The following ARHGEF17 variants were observed in gnomAD, a reference collection of about 807,000 sequenced individuals.
ARHGEF17 encodes the protein Rho guanine nucleotide exchange factor 17.
In ARHGEF17, 80 loss-of-function variants were observed where a neutral mutation model predicts 174.0. That is an observed-to-expected ratio of 0.46 (90% confidence interval 0.38 to 0.55). The LOEUF (loss-of-function observed/expected upper bound fraction) is 0.55, where lower values mean the gene tolerates loss of function less well. Among genes scored for constraint, ARHGEF17 ranks in the 20% least tolerant of loss-of-function variants. ARHGEF17 has a pLI of 0.00. For synonymous variants in ARHGEF17, 1,311 were observed against 1,189.1 expected (o/e 1.10, Z -2.11); for missense variants, 2,886 against 2,839.7 (o/e 1.02, Z -0.37).
At chr11:73,317,764 G>C (rs1056673134) in intron 1 of ARHGEF17, among the ~76,000 whole-genome samples, 1 of 152,176 alleles carries the variant, frequency 6.6e-6, no homozygotes, top group African/African-American at 2.4e-5. Context: ...GGTTGGGAGA[G>C]ACAGACACAG....
Position 73,363,479 on chromosome 11 carries a change from G to A in ARHGEF17, c.5246+24G>A, listed in dbSNP as rs1449830568. The stretch of plus-strand genomic sequence containing the variant: ...TGGTAGGGACAGGGGAGGGACTAGG[G>A]ACACAGTGCCAGAACTCTGAGCTCC... On this transcript the variant is annotated intron_variant, in intron 15 of 20. Transcript: ENST00000263674. 5 of 1,599,948 alleles carry A rather than the reference G, an allele frequency of 3.1e-6. No homozygotes were observed. In the Admixed American group the frequency reaches 6.8e-5, roughly 22 times the overall value.
chr11:73,346,174 C>T (rs1370086066), intron 1 of ARHGEF17, among the ~76,000 whole-genome samples: 2 of 152,080 alleles, frequency 1.3e-5, no homozygotes, highest in Non-Finnish European at 2.9e-5. Context: ...TTTCCCCTCC[C>T]TAACATGAAG....
chr11:73,310,991 G>A lies in ARHGEF17; in HGVS notation c.2353G>A (p.Asp785Asn). 6.2e-7 allele frequency: 1 copy of A among 1,614,198 alleles called. No individual in the cohort carries two copies. Among genetic ancestry groups the A allele is most frequent in the Non-Finnish European group, 8.5e-7 (1 of 1,180,026 alleles). Residue 785 changes from aspartate to asparagine, a missense_variant, in exon 1 of 21, where the codon GAC becomes AAC. Coordinates refer to ENST00000263674, the MANE Select transcript of ARHGEF17 (RefSeq NM_014786.4). Reference sequence around the variant, plus strand: ...TGAGGGCTTGACCAGTGGTCACAGTGACTGGTCTGTGGGCAGTGAAGAGAG... The same window carrying A: ...TGAGGGCTTGACCAGTGGTCACAGTAACTGGTCTGTGGGCAGTGAAGAGAG... ...MDEGLTSGHS[D>N]WSVGSEESKG...
rs771926926 is a variant in ARHGEF17, at chr11:73,309,010, C to T, written c.372C>T (p.Pro124=). 1.3e-5 allele frequency: 18 copies of T among 1,410,754 alleles called. 1 individual carries two copies. In the South Asian group the frequency reaches 2.7e-4, roughly 21 times the overall value. The allele number at this position is 1,410,754 out of a possible 1,614,324, so 87.4% of individuals were successfully genotyped here. ...AGGGCCCAGCGCGAGGAGCCTGGCC[C>T]AGCGTCACCGAGATGCGCAAGCTCT... ...AAEGPARGAW[P]SVTEMRKLFG... The change falls in exon 1 of 21, where the codon CCC becomes CCT. Residue 124 remains proline, a synonymous_variant. Transcript: ENST00000263674.
intron 1 of ARHGEF17, among the ~76,000 whole-genome samples, chr11:73,344,419 A>G (rs1451896794): frequency 6.6e-6 from 1 of 152,152 alleles, no homozygotes; most frequent in African/African-American, 2.4e-5. Flanking sequence ...TTGCAGCGTC[A>G]GCCTCCCCGT....
At chr11:73,363,918 C>A in intron 16 of ARHGEF17, 85 bp downstream of exon 16, 1 of 1,400,450 alleles carries the variant, frequency 7.1e-7, no homozygotes, top group Non-Finnish European at 9.9e-7. Context: ...TCCCCCTGCT[C>A]TACTGTCCCT....
chr11:73,343,455 C>A (rs560667597), intron 1 of ARHGEF17, among the ~76,000 whole-genome samples: 15 of 152,092 alleles, frequency 9.9e-5, no homozygotes, highest in Non-Finnish European at 1.9e-4. Context: ...GGTGGTGTGG[C>A]TGGCAGGGCG....
At position 73,320,106 on chromosome 11, in the gene ARHGEF17, T is replaced by C. The variant is rs1384813210; in HGVS notation, c.3192+8276T>C. Among the ~76,000 whole-genome samples the C allele has an allele frequency of 2.6e-5, 4 of 151,876 alleles. No homozygotes were observed. In the East Asian group the frequency reaches 7.7e-4, roughly 29 times the overall value. On this transcript the variant is annotated intron_variant, in intron 1 of 20. Transcript: ENST00000263674. ...GAAACCCCATGTTCTGGGAGCTCCA[T>C]GTGGGAATTGGTGGCATTGGTGCTG... is the stretch of plus-strand genomic sequence containing the variant.
In ARHGEF17 at chr11:73,362,469, G is replaced by A; in HGVS notation, c.4731G>A (p.Thr1577=). 1 of 1,589,436 alleles carries A rather than the reference G, an allele frequency of 6.3e-7. No individual in the cohort carries two copies. The highest frequency in any genetic ancestry group is 8.5e-7 in the Non-Finnish European group (1 of 1,171,640). The part of the protein sequence containing the change: ...PPPSLRSPPE[T]APEPAGPELD... ...CGTCGCTGAGGAGTCCTCCAGAGAC[G>A]GCACCGGAGCCCGCCGGGCCGGAGC... is the stretch of plus-strand genomic sequence containing the variant. Residue 1577 remains threonine (T), a synonymous_variant, in exon 14 of 21, where the codon ACG becomes ACA. Transcript: ENST00000263674.
chr11:73,344,252 C>A (rs1865423517), intron 1 of ARHGEF17, among the ~76,000 whole-genome samples: 1 of 152,130 alleles, frequency 6.6e-6, no homozygotes, highest in Non-Finnish European at 1.5e-5. Context: ...CCCTGTCCAC[C>A]CCCGCAACCC....
chr11:73,356,495 C>A, intron 6 of ARHGEF17, 144 bp downstream of exon 6: 4 of 1,193,446 alleles, frequency 3.4e-6, no homozygotes, highest in Non-Finnish European at 3.5e-6. Flanking sequence ...TGTCTGCCAG[C>A]CTCTGTGGCC....
chr11:73,325,933 A>G (rs1312656944), intron 1 of ARHGEF17, among the ~76,000 whole-genome samples: 1 of 152,236 alleles, frequency 6.6e-6, no homozygotes, highest in Non-Finnish European at 1.5e-5. Context: ...GTTCACTGTC[A>G]TTGGTGGATT....
At chr11:73,316,234 T>C (rs1864927591) in intron 1 of ARHGEF17, among the ~76,000 whole-genome samples, 5 of 152,210 alleles carry the variant, frequency 3.3e-5, no homozygotes, top group Admixed American at 1.3e-4. Context: ...AGTAAAAGTT[T>C]GTTTCAGAGA....
rs745949382 is a variant in ARHGEF17, at chr11:73,310,721, G to A, written c.2083G>A (p.Val695Met). Residue 695 changes from valine (V) to methionine (M), a missense_variant, in exon 1 of 21, where the codon GTG (valine) becomes ATG (methionine). Coordinates refer to ENST00000263674, the MANE Select transcript of ARHGEF17 (RefSeq NM_014786.4). ...GGACAGTCTGGGCGGGTGGGCCCTG[G>A]TGTCGCCTGAGACCCCTCCCACACC... Reference protein sequence around the residue: ...TEDSLGGWALVSPETPPTPGA... With the variant: ...TEDSLGGWALMSPETPPTPGA... The A allele has an allele frequency of 3.1e-6, 5 of 1,612,918 alleles. No homozygotes were observed. In the South Asian group the frequency reaches 4.4e-5, roughly 14 times the overall value.
rs1047686345 is a variant in ARHGEF17, at chr11:73,345,681, C to T, written c.3193-1202C>T. Among the ~76,000 whole-genome samples, 49 of 152,354 alleles carry T rather than the reference C, an allele frequency of 3.2e-4. 1 individual carries two copies. The highest frequency in any genetic ancestry group is 1.2e-3 in the African/African-American group (48 of 41,582). On this transcript the variant is annotated intron_variant, in intron 1 of 20. Coordinates refer to ENST00000263674, the MANE Select transcript of ARHGEF17 (RefSeq NM_014786.4). ...GACATGGACACCCTGGCATTGCCAT[C>T]TGCACAGCACTTGCTCGAACCAGTA...
intron 13 of ARHGEF17, 37 bp from the exon 14 acceptor site, chr11:73,362,396 T>G (rs1056529299): frequency 2.0e-6 from 3 of 1,497,914 alleles, no homozygotes; most frequent in Non-Finnish European, 2.7e-6. Context: ...CCCGTCTGGC[T>G]CGTAGCTGCT....
chr11:73,327,521 C>G (rs1179346599), intron 1 of ARHGEF17, among the ~76,000 whole-genome samples: 1 of 152,242 alleles, frequency 6.6e-6, no homozygotes, highest in Non-Finnish European at 1.5e-5. Flanking sequence ...GCTTAGTAGA[C>G]CAGCCTGCCT....
chr11:73,337,899 C>T (rs963579484), intron 1 of ARHGEF17, among the ~76,000 whole-genome samples: 1 of 152,138 alleles, frequency 6.6e-6, no homozygotes, highest in African/African-American at 2.4e-5. Flanking sequence ...ATAATCCCAC[C>T]CCAGGTGCAT....
At chr11:73,357,442 C>A in intron 9 of ARHGEF17, 115 bp downstream of exon 9, 2 of 964,210 alleles carry the variant, frequency 2.1e-6, no homozygotes, top group Non-Finnish European at 3.1e-6. Flanking sequence ...CACTTTTGGG[C>A]CTCGCTCTCT....
Sources: gnomAD v4.1 joint callset for allele counts (sites outside exome capture counted in the v4.1 genomes callset) on GRCh38, gnomAD v4.1.1 for gene constraint, MANE v1.5 for transcripts, NCBI Gene and HGNC (gene_info 2026-07-23, HGNC 2026-07-21) for gene names.